BICDL1: variants seen among roughly 807,000 people sequenced by gnomAD.
BICDL1 encodes BICD family like cargo adaptor 1, also known as BICD family-like cargo adapter 1.
Under a neutral mutation model 76.8 loss-of-function variants are expected in BICDL1, and 20 were observed. The ratio of observed to expected loss-of-function variants is 0.26; its 90% CI spans 0.18 to 0.38. The LOEUF is 0.38. BICDL1 is among the 10% of genes least tolerant of loss of function. BICDL1 has a pLI of 1.00. For missense variants in BICDL1, 700 were observed against 798.6 expected, an observed-to-expected ratio of 0.88 and a Z score of 1.49; for synonymous variants, 383 against 337.1, an observed-to-expected ratio of 1.14 and a Z score of -1.49.
rs1306977064 is a variant in BICDL1, at chr12:120,072,656, C to A, written c.1235C>A (p.Ala412Asp). The change falls in exon 6 of 10, where the codon GCC (alanine) becomes GAC (aspartate). Residue 412 changes from alanine to aspartate, a missense_variant. By Grantham distance (126) the Ala-to-Asp change is moderately radical. Around this residue, in one of 3 missense-constraint regions of BICDL1, gnomAD observed 455 missense variants for 548.7 expected, o/e 0.83. Transcript: ENST00000548673. ...ACCTCGTCCGCCAAGGATGTGCCAG[C>A]CGGCAGCTTGCGCACTGCCCTCAAT... ...SETSSAKDVP[A>D]GSLRTALNEL... 1.9e-6 allele frequency: 3 copies of A among 1,614,032 alleles called. No individual in the cohort carries two copies.
intron 2 of BICDL1, among the ~76,000 whole-genome samples, chr12:120,043,827 T>C (rs1380396443): frequency 6.6e-6 from 1 of 152,254 alleles, no homozygotes; most frequent in Non-Finnish European, 1.5e-5. Flanking sequence ...ATACCTGCCA[T>C]GTGCCATGTA....
intron 7 of BICDL1, among the ~76,000 whole-genome samples, chr12:120,080,029 G>A (rs944727184): frequency 2.6e-5 from 4 of 152,212 alleles, no homozygotes; most frequent in African/African-American, 4.8e-5. Context: ...AAGAGATTTC[G>A]GATGATGACT....
In BICDL1 at chr12:120,094,030, A is replaced by G; in HGVS notation, c.*869A>G. On this transcript the variant is annotated 3_prime_UTR_variant, in exon 10 of 10. Transcript: ENST00000548673. ...TAGCCAAACAAGTCCAGGCCACTGAATGGCACCAGAGGGGTCTGTGGTCAG... is the reference window on the plus strand; with the variant it reads ...TAGCCAAACAAGTCCAGGCCACTGAGTGGCACCAGAGGGGTCTGTGGTCAG... 2.7e-6 allele frequency: 1 copy of G among 367,330 alleles called. No individual in the cohort carries two copies. The highest frequency in any genetic ancestry group is 7.4e-5 in the East Asian group (1 of 13,536). 22.8% of individuals were successfully genotyped at this position (367,330 alleles called of 1,614,324 possible).
intron 1 of BICDL1, among the ~76,000 whole-genome samples, chr12:119,997,009 C>T (rs560796282): frequency 5.3e-5 from 8 of 149,824 alleles, no homozygotes; most frequent in Admixed American, 1.3e-4. Flanking sequence ...AGTGCAGTGG[C>T]GCGATCTCGG....
intron 2 of BICDL1, among the ~76,000 whole-genome samples, chr12:120,060,562 A>G (rs1953082809): frequency 6.6e-6 from 1 of 152,204 alleles, no homozygotes; most frequent in Admixed American, 6.5e-5. Context: ...GAAAATTTAA[A>G]GGTTAGAGGG....
At chr12:120,057,525 T>G (rs1206968386) in intron 2 of BICDL1, among the ~76,000 whole-genome samples, 1 of 152,232 alleles carries the variant, frequency 6.6e-6, no homozygotes, top group Non-Finnish European at 1.5e-5. Context: ...AAGAGGTTAT[T>G]ATTTAATTTA....
At chr12:120,086,854 A>C (rs1190933481) in intron 8 of BICDL1, among the ~76,000 whole-genome samples, 8 of 152,226 alleles carry the variant, frequency 5.3e-5, no homozygotes, top group Non-Finnish European at 1.0e-4. Context: ...AATGACGAGC[A>C]CTTATTCCTT....
intron 2 of BICDL1, among the ~76,000 whole-genome samples, chr12:120,015,130 C>T (rs1296986222): frequency 1.3e-5 from 2 of 152,170 alleles, no homozygotes; most frequent in Non-Finnish European, 2.9e-5. Flanking sequence ...GAGTCTGCCC[C>T]TTCCCACTTG....
chr12:120,029,364 A>G (rs1038676806), intron 2 of BICDL1, among the ~76,000 whole-genome samples: 7 of 152,186 alleles, frequency 4.6e-5, no homozygotes, highest in Non-Finnish European at 1.0e-4. Context: ...AACACAGTCT[A>G]TGACTTCTTG....
intron 2 of BICDL1, among the ~76,000 whole-genome samples, chr12:120,057,892 G>A (rs572750545): frequency 2.2e-4 from 32 of 144,484 alleles, no homozygotes; most frequent in African/African-American, 7.6e-4. Context: ...GTGCAGTGGC[G>A]CGATCTCGGC....
intron 9 of BICDL1, chr12:120,092,779 C>G (rs1875091070): frequency 1.0e-6 from 1 of 985,454 alleles, no homozygotes; most frequent in Non-Finnish European, 1.2e-6. Flanking sequence ...GAGGAGAACC[C>G]AGCCCAAGCC....
chr12:120,094,233 A>G lies in BICDL1; in HGVS notation c.*1072A>G, dbSNP rs1183526433. 3 of 456,702 alleles carry G rather than the reference A, an allele frequency of 6.6e-6. No homozygotes were observed. The highest frequency in any genetic ancestry group is 4.6e-5 in the South Asian group (3 of 64,568). 28.3% of individuals were successfully genotyped at this position (456,702 alleles called of 1,614,324 possible). ...AACTCAGAGGCTCCGCGGCCCGGCC[A>G]GCCCTCAGCTGCTCACAACCGATTC... is the stretch of plus-strand genomic sequence containing the variant. On this transcript the variant is annotated 3_prime_UTR_variant, in exon 10 of 10. Coordinates refer to ENST00000548673, the MANE Select transcript of BICDL1 (RefSeq NM_001367886.1).
At chr12:120,064,512 C>T (rs1953177618) in intron 3 of BICDL1, 1 of 312,412 alleles carries the variant, frequency 3.2e-6, no homozygotes, top group Admixed American at 5.1e-5. Context: ...TCCAGCTTCC[C>T]CAGAGCTCAA....
intron 7 of BICDL1, 75 bp from the exon 8 acceptor site, chr12:120,080,812 T>G: frequency 6.4e-7 from 1 of 1,563,826 alleles, no homozygotes; most frequent in Non-Finnish European, 8.7e-7. Context: ...CTGGGGTCTC[T>G]TTGTTCCTTT....
chr12:120,002,842 A>T (rs879511243), intron 2 of BICDL1, among the ~76,000 whole-genome samples: 8 of 152,090 alleles, frequency 5.3e-5, no homozygotes, highest in Non-Finnish European at 1.0e-4. Flanking sequence ...GAAAGCAGGG[A>T]GCTTTTTCTA....
At chr12:120,087,630 A>AC (rs1860104208) in intron 8 of BICDL1, among the ~76,000 whole-genome samples, 1 of 152,168 alleles carries the variant, frequency 6.6e-6, no homozygotes. Context: ...TGCTTAAGGG[A>AC]GCGATTAATG....
Position 119,989,770 on chromosome 12 carries a change from G to T in BICDL1, c.-99G>T. ...GGGGGCGCGTGCCGCGGCGCGAGGC[G>T]AGGCGCGGGACGCGGGGCGGCGCGG... is the stretch of plus-strand genomic sequence containing the variant. On this transcript the variant is annotated 5_prime_UTR_variant, in exon 1 of 10. Transcript: ENST00000548673. The T allele has an allele frequency of 2.3e-6, 1 of 443,390 alleles. No homozygotes were observed. Among genetic ancestry groups the T allele is most frequent in the Non-Finnish European group, 2.9e-6 (1 of 339,004 alleles). The allele number at this position is 443,390 out of a possible 1,614,324, so 27.5% of individuals were successfully genotyped here. A position where few individuals can be genotyped will look rare whatever the true frequency, so the allele number is the denominator to read the frequency against.
chr12:120,077,355 G>A (rs191848971), intron 7 of BICDL1, among the ~76,000 whole-genome samples: 1 of 152,292 alleles, frequency 6.6e-6, no homozygotes, highest in East Asian at 1.9e-4. Context: ...TCCCATCAGT[G>A]GCAAGGAACT....
At chr12:120,002,862 G>C (rs1951783900) in intron 2 of BICDL1, among the ~76,000 whole-genome samples, 1 of 152,134 alleles carries the variant, frequency 6.6e-6, no homozygotes, top group African/African-American at 2.4e-5. Context: ...ACCTTAGAAA[G>C]ACTCGGTAGG....
Sources: gnomAD v4.1 joint callset for allele counts (sites outside exome capture counted in the v4.1 genomes callset) on GRCh38, gnomAD v4.1.1 for gene constraint, gnomAD v4.1.1 regional missense constraint, MANE v1.5 for transcripts, NCBI Gene and HGNC (gene_info 2026-07-23, HGNC 2026-07-21) for gene names.